The following TAB2 variants were observed in gnomAD, a reference collection of about 807,000 sequenced individuals.
TAB2 encodes the protein TGF-beta-activated kinase 1 and MAP3K7-binding protein 2.
Under a neutral mutation model 65.0 loss-of-function variants are expected in TAB2, and 3 were observed. The ratio of observed to expected loss-of-function variants is 0.05; its 90% CI spans 0.02 to 0.12. The LOEUF (loss-of-function observed/expected upper bound fraction) is 0.12, where lower values mean the gene tolerates loss of function less well. Ranked by LOEUF, TAB2 falls within the 10% of genes least tolerant of loss-of-function variation. The probability of loss-of-function intolerance (pLI) is 1.00; values close to 1 mark genes in which losing one functional copy is unlikely to be tolerated. For missense variants in TAB2, 623 were observed against 840.3 expected (o/e 0.74, Z 3.20); for synonymous variants, 298 against 285.1 (o/e 1.05, Z -0.46).
rs1554261743 is a variant in TAB2, at chr6:149,357,430, A to ACACACACACACACAC, written c.-89-12479_-89-12478insCACACACACACACAC. Among the ~76,000 whole-genome samples the ACACACACACACACAC allele has an allele frequency of 3.1e-4, 35 of 111,144 alleles. 2 individuals carry two copies. Among genetic ancestry groups the ACACACACACACACAC allele is most frequent in the Admixed American group, 2.2e-3 (22 of 9,956 alleles). The allele number at this position is 111,144 out of a possible 152,430, so 72.9% of individuals were successfully genotyped here. A position where few individuals can be genotyped will look rare whatever the true frequency, so the allele number is the denominator to read the frequency against. On this transcript the variant is annotated intron_variant, in intron 1 of 6. Transcript: ENST00000637181. ...GACTCCGTCTCAAGGAGAAAAAAAA[A>ACACACACACACACAC]ACACACACACACACACACACACACA...
At chr6:149,341,796 A>G (rs1489058443) in intron 1 of TAB2, among the ~76,000 whole-genome samples, 1 of 151,980 alleles carries the variant, frequency 6.6e-6, no homozygotes, top group Non-Finnish European at 1.5e-5. Context: ...TTTTTGTCCT[A>G]TTACAGTTTT....
At chr6:149,306,777 G>A (rs1387581276) in intron 1 of TAB2, among the ~76,000 whole-genome samples, 3 of 152,110 alleles carry the variant, frequency 2.0e-5, no homozygotes, top group African/African-American at 7.2e-5. Flanking sequence ...CTGTGTGCTG[G>A]GCATCCTGCC....
At chr6:149,280,858 G>C (rs1165391545) in intron 1 of TAB2, among the ~76,000 whole-genome samples, 1 of 150,462 alleles carries the variant, frequency 6.6e-6, no homozygotes, top group African/African-American at 2.5e-5. Flanking sequence ...CTTGAGCTCA[G>C]GAGACCAAGG....
Position 149,357,430 on chromosome 6 carries a change from A to AAAAACACACACACACAC in TAB2, c.-89-12478_-89-12477insAAACACACACACACACA. 4.1e-3 allele frequency among the ~76,000 whole-genome samples: 461 copies of AAAAACACACACACACAC among 111,110 alleles called. 6 individuals carry two copies. The highest frequency in any genetic ancestry group is 6.3e-3 in the East Asian group (20 of 3,196). The allele number at this position is 111,110 out of a possible 152,430, so 72.9% of individuals were successfully genotyped here. On this transcript the variant is annotated intron_variant, in intron 1 of 6. Transcript: ENST00000637181. ...GACTCCGTCTCAAGGAGAAAAAAAA[A>AAAAACACACACACACAC]ACACACACACACACACACACACACA...
chr6:149,400,755 GCAATTTGGT>G, intron 6 of TAB2: 1 of 1,510,492 alleles, frequency 6.6e-7, no homozygotes, highest in Non-Finnish European at 9.0e-7. Flanking sequence ...TTAGAAAACT[GCAATTTGGT>G]TCCACCACAT....
In TAB2 at chr6:149,371,065, CAAA is replaced by C. The variant is rs33926884; in HGVS notation, c.102+989_102+991del. On this transcript the variant is annotated intron_variant, in intron 2 of 6. Coordinates refer to ENST00000637181, the MANE Select transcript of TAB2 (RefSeq NM_001292034.3). ...TGGGAAACAGAGAGAGACCCTATCTCAAAAAAAAAAAAAAAAAAAAAAAAAGTG... is the reference window on the plus strand; with the variant it reads ...TGGGAAACAGAGAGAGACCCTATCTCAAAAAAAAAAAAAAAAAAAAAAGTG... 6.5e-3 allele frequency among the ~76,000 whole-genome samples: 467 copies of C among 71,944 alleles called. 1 individual carries two copies. The highest frequency in any genetic ancestry group is 0.024 in the African/African-American group (397 of 16,516). The allele number at this position is 71,944 out of a possible 152,430, so 47.2% of individuals were successfully genotyped here. A position where few individuals can be genotyped will look rare whatever the true frequency, so the allele number is the denominator to read the frequency against.
intron 1 of TAB2, among the ~76,000 whole-genome samples, chr6:149,301,890 T>A (rs1433634775): frequency 2.0e-5 from 3 of 152,316 alleles, no homozygotes; most frequent in Middle Eastern, 3.4e-3. Flanking sequence ...TTTGAAAGAT[T>A]ATGGCACGTT....
intron 1 of TAB2, among the ~76,000 whole-genome samples, chr6:149,260,729 G>T (rs1778136626): frequency 6.6e-6 from 1 of 152,188 alleles, no homozygotes. Flanking sequence ...TGAGAAGGGA[G>T]CCTGCTGGGT....
intron 1 of TAB2, chr6:149,347,340 T>C (rs528096172): frequency 3.3e-5 from 5 of 152,334 alleles, no homozygotes; most frequent in Middle Eastern, 6.8e-3. Context: ...AATTTTCTCT[T>C]TAAGAGGAAG....
intron 1 of TAB2, chr6:149,321,174 C>T (rs975118043): frequency 5.3e-5 from 8 of 152,120 alleles, no homozygotes; most frequent in Non-Finnish European, 1.2e-4. Context: ...GGTTCTGACA[C>T]TCTATATATG....
chr6:149,382,140 C>T (rs1781631943), intron 3 of TAB2, among the ~76,000 whole-genome samples: 1 of 152,194 alleles, frequency 6.6e-6, no homozygotes, highest in African/African-American at 2.4e-5. Context: ...TTGCTTACCA[C>T]CTGCTCACTG....
chr6:149,275,144 G>A (rs1427912936), intron 1 of TAB2, among the ~76,000 whole-genome samples: 269 of 19,394 alleles, frequency 0.014, no homozygotes, highest in African/African-American at 0.018. Context: ...TTTTTTTTTT[G>A]AGTTGGAGTC....
intron 1 of TAB2, among the ~76,000 whole-genome samples, chr6:149,325,987 C>A (rs1170312265): frequency 6.6e-6 from 1 of 152,158 alleles, no homozygotes; most frequent in Non-Finnish European, 1.5e-5. Flanking sequence ...AATCATCTTG[C>A]CTTGGCCTCC....
intron 1 of TAB2, among the ~76,000 whole-genome samples, chr6:149,295,271 A>G (rs1177327376): frequency 6.6e-6 from 1 of 152,120 alleles, no homozygotes; most frequent in East Asian, 1.9e-4. Flanking sequence ...TTTTTTCTGT[A>G]CTAAGACTTC....
chr6:149,364,114 C>A (rs528497262), intron 1 of TAB2, among the ~76,000 whole-genome samples: 16 of 152,256 alleles, frequency 1.1e-4, no homozygotes, highest in African/African-American at 3.9e-4. Flanking sequence ...CAGGCTATTA[C>A]CATTTCCTGG....
chr6:149,307,818 C>G (rs1315277371), intron 1 of TAB2, among the ~76,000 whole-genome samples: 1 of 151,954 alleles, frequency 6.6e-6, no homozygotes, highest in Non-Finnish European at 1.5e-5. Flanking sequence ...CAGAAAATAC[C>G]ACCAAAAAGG....
intron 1 of TAB2, among the ~76,000 whole-genome samples, chr6:149,224,432 A>C (rs1777223475): frequency 6.6e-6 from 1 of 152,184 alleles, no homozygotes; most frequent in Non-Finnish European, 1.5e-5. Context: ...TTTTTCCCGT[A>C]ACTCTTCCTA....
chr6:149,241,242 C>T (rs556842790), intron 1 of TAB2, among the ~76,000 whole-genome samples: 14 of 152,202 alleles, frequency 9.2e-5, no homozygotes, highest in African/African-American at 3.4e-4. Flanking sequence ...TTTGTTAGGG[C>T]AGCCTGAGCA....
At chr6:149,218,264 G>C (rs531768895), upstream of TAB2, among the ~76,000 whole-genome samples, 1 of 152,246 alleles carries the variant, frequency 6.6e-6, no homozygotes, top group South Asian at 2.1e-4. Context: ...ACTCGGATAG[G>C]TTGGTTCTTG....
Sources: gnomAD v4.1 joint callset for allele counts (sites outside exome capture counted in the v4.1 genomes callset) on GRCh38, gnomAD v4.1.1 for gene constraint, MANE v1.5 for transcripts, NCBI Gene and HGNC (gene_info 2026-07-23, HGNC 2026-07-21) for gene names.